Variants in BRINP3 observed in about 807,000 individuals in gnomAD.
BRINP3 encodes the protein BMP/retinoic acid inducible neural specific 3.
Under a neutral mutation model 71.0 loss-of-function variants are expected in BRINP3, and 19 were observed. The observed-to-expected ratio is 0.27, with a 90% confidence interval of 0.19 to 0.39. The LOEUF (loss-of-function observed/expected upper bound fraction) is 0.39. Among genes scored for constraint, BRINP3 ranks in the 10% least tolerant of loss-of-function variants. The probability of loss-of-function intolerance (pLI) is 1.00; values close to 1 mark genes in which losing one functional copy is unlikely to be tolerated. For missense variants in BRINP3, 959 were observed against 940.8 expected (o/e 1.02, Z -0.25); for synonymous variants, 380 against 337.7 (o/e 1.13, Z -1.37).
intron 2 of BRINP3, among the ~76,000 whole-genome samples, chr1:190,430,424 A>G (rs1440306586): frequency 6.6e-6 from 1 of 152,184 alleles, no homozygotes; most frequent in Admixed American, 6.6e-5. Flanking sequence ...AGAAAAATAT[A>G]GGAGGGAAAG....
At position 190,177,973 on chromosome 1, in the gene BRINP3, T is replaced by C. The variant is rs374180309; in HGVS notation, c.962-17083A>G. ...CAATTATTTACATAGCATTAGGTTG[T>C]ATTAAGTATTATAAATAATCTAGAG... is the stretch of plus-strand genomic sequence containing the variant. On this transcript the variant is annotated intron_variant, in intron 6 of 7. Transcript: ENST00000367462. Among the ~76,000 whole-genome samples, 24 of 152,214 alleles carry C rather than the reference T, an allele frequency of 1.6e-4. 1 individual carries two copies. The highest frequency in any genetic ancestry group is 5.8e-4 in the African/African-American group (24 of 41,466).
intron 2 of BRINP3, among the ~76,000 whole-genome samples, chr1:190,398,217 A>T (rs770611116): frequency 1.1e-4 from 16 of 151,950 alleles, no homozygotes; most frequent in Non-Finnish European, 2.2e-4. Context: ...TTGAGTAAAA[A>T]GGAGTTGTAC....
chr1:190,435,732 TCTTC>T (rs1317482055), intron 2 of BRINP3, among the ~76,000 whole-genome samples: 8 of 152,006 alleles, frequency 5.3e-5, no homozygotes, highest in African/African-American at 1.9e-4. Context: ...TAAAAATTTG[TCTTC>T]CTTCTTACCA....
At chr1:190,324,856 A>T (rs1234347580) in intron 2 of BRINP3, among the ~76,000 whole-genome samples, 1 of 152,000 alleles carries the variant, frequency 6.6e-6, no homozygotes, top group Non-Finnish European at 1.5e-5. Flanking sequence ...GAAAAGCAAT[A>T]TTGATTACCT....
At chr1:190,154,539 C>T (rs1176860711) in intron 7 of BRINP3, among the ~76,000 whole-genome samples, 2 of 152,136 alleles carry the variant, frequency 1.3e-5, no homozygotes, top group Non-Finnish European at 2.9e-5. Context: ...TAAACTACTG[C>T]TGAAGGCTTA....
At chr1:190,269,670 G>T (rs1661943141) in intron 3 of BRINP3, among the ~76,000 whole-genome samples, 2 of 151,958 alleles carry the variant, frequency 1.3e-5, no homozygotes, top group African/African-American at 4.8e-5. Flanking sequence ...CTAAGTCATA[G>T]CATGAGAAAT....
rs1657374154 is a variant in BRINP3 at position 190,226,311 on chromosome 1, T to A, written c.732A>T (p.Gln244His). The A allele has an allele frequency of 6.5e-7, 1 of 1,538,892 alleles. No homozygotes were observed. ...CCTGAAGATAGTCTGGGAGAAGTACTTGAAGCCCTTGAAGAACAAACAAAG... is the reference window on the plus strand; with the variant it reads ...CCTGAAGATAGTCTGGGAGAAGTACATGAAGCCCTTGAAGAACAAACAAAG... Reference protein sequence around the residue: ...PENKIQLQGLQVLLPDYLQER... With the variant: ...PENKIQLQGLHVLLPDYLQER... The change falls in exon 6 of 8, where the codon CAA becomes CAT. Residue 244 changes from glutamine (Q) to histidine (H), a missense_variant. Transcript: ENST00000367462.
intron 6 of BRINP3, among the ~76,000 whole-genome samples, chr1:190,180,101 C>T (rs1360386387): frequency 6.6e-6 from 1 of 152,080 alleles, no homozygotes; most frequent in Admixed American, 6.6e-5. Flanking sequence ...ACCCAACATG[C>T]CTTTGACCTG....
At chr1:190,324,306 G>A (rs1471514513) in intron 2 of BRINP3, among the ~76,000 whole-genome samples, 3 of 151,808 alleles carry the variant, frequency 2.0e-5, no homozygotes, top group African/African-American at 7.3e-5. Flanking sequence ...CCAAAATTAT[G>A]TTCCATCATA....
chr1:190,381,536 T>G (rs1197198033), intron 2 of BRINP3, among the ~76,000 whole-genome samples: 1 of 152,194 alleles, frequency 6.6e-6, no homozygotes, highest in Non-Finnish European at 1.5e-5. Flanking sequence ...GAAATTAATA[T>G]GTCTAACTTT....
chr1:190,439,352 C>G (rs1674668511), intron 2 of BRINP3, among the ~76,000 whole-genome samples: 1 of 151,566 alleles, frequency 6.6e-6, no homozygotes, highest in African/African-American at 2.4e-5. Flanking sequence ...ACCTCAGTAC[C>G]TTACTTTGGT....
intron 2 of BRINP3, among the ~76,000 whole-genome samples, chr1:190,325,078 A>C (rs1251123587): frequency 6.6e-6 from 1 of 152,000 alleles, no homozygotes; most frequent in African/African-American, 2.4e-5. Context: ...TAGTAGGACA[A>C]ATACAAGACA....
intron 2 of BRINP3, among the ~76,000 whole-genome samples, chr1:190,435,711 G>T (rs1198004567): frequency 6.6e-6 from 1 of 151,902 alleles, no homozygotes; most frequent in African/African-American, 2.4e-5. Context: ...AAACTTATTT[G>T]TATGGGTAAA....
chr1:190,388,951 C>A (rs1015342889), intron 2 of BRINP3, among the ~76,000 whole-genome samples: 1 of 151,656 alleles, frequency 6.6e-6, no homozygotes, highest in Non-Finnish European at 1.5e-5. Flanking sequence ...CAGGTTCTCA[C>A]TTATTTACTG....
At chr1:190,141,584 CAG>C (rs1655448781) in intron 7 of BRINP3, among the ~76,000 whole-genome samples, 2 of 88,846 alleles carry the variant, frequency 2.3e-5, no homozygotes, top group Non-Finnish European at 4.0e-5. Context: ...TTTTTTGAGA[CAG>C]AGTCTTGCTC....
At position 190,098,803 on chromosome 1, in the gene BRINP3, T is replaced by C. The variant is rs753234192; in HGVS notation, c.1516A>G (p.Arg506Gly). The C allele has an allele frequency of 6.2e-7, 1 of 1,614,244 alleles. No individual in the cohort carries two copies. Among genetic ancestry groups the C allele is most frequent in the Admixed American group, 1.7e-5 (1 of 60,034 alleles). The change falls in exon 8 of 8, where the codon AGA (arginine) becomes GGA (glycine). Residue 506 changes from arginine (R) to glycine (G), a missense_variant. Physicochemically the swap from Arg to Gly is moderately radical, Grantham distance 125. Coordinates refer to ENST00000367462, the MANE Select transcript of BRINP3 (RefSeq NM_199051.3). ...AAAATGGCATGGACTTCTATTCGTC[T>C]GTCCGTTTTCTGCAGCAGATATTTC... ...EMKYLLQKTDRRIEVHAIFIS... is the reference protein window; with the variant it reads ...EMKYLLQKTDGRIEVHAIFIS...
chr1:190,174,216 T>TTTTA (rs1652283449), intron 6 of BRINP3, among the ~76,000 whole-genome samples: 1 of 152,168 alleles, frequency 6.6e-6, no homozygotes, highest in Non-Finnish European at 1.5e-5. Context: ...ATTGACTCCC[T>TTTTA]TTTATTGTCA....
At chr1:190,430,107 C>T (rs1195883179) in intron 2 of BRINP3, among the ~76,000 whole-genome samples, 1 of 152,100 alleles carries the variant, frequency 6.6e-6, no homozygotes, top group Non-Finnish European at 1.5e-5. Context: ...ATCTGTTTTT[C>T]CCCATGAAGA....
intron 7 of BRINP3, among the ~76,000 whole-genome samples, chr1:190,157,890 G>A (rs1212189262): frequency 6.6e-6 from 1 of 151,892 alleles, no homozygotes; most frequent in Non-Finnish European, 1.5e-5. Context: ...TGGTGGACTG[G>A]ATAAAAAAAT....
Sources: gnomAD v4.1 joint callset for allele counts (sites outside exome capture counted in the v4.1 genomes callset) on GRCh38, gnomAD v4.1.1 for gene constraint, MANE v1.5 for transcripts, NCBI Gene and HGNC (gene_info 2026-07-23, HGNC 2026-07-21) for gene names.